The following LUZP2 variants were observed in gnomAD, a reference collection of about 807,000 sequenced individuals.
The protein encoded by LUZP2 is leucine zipper protein 2.
LUZP2 carries 52 observed loss-of-function variants against 51.6 expected under a neutral mutation model. That is an observed-to-expected ratio of 1.01 (90% CI 0.81 to 1.27). The LOEUF is 1.27. Among genes scored for constraint, LUZP2 ranks in the 50% most tolerant of loss-of-function variants. The pLI is 0.00. For missense variants in LUZP2, 436 were observed against 395.4 expected, an observed-to-expected ratio of 1.10 and a Z score of -0.87; for synonymous variants, 154 against 137.3, an observed-to-expected ratio of 1.12 and a Z score of -0.85.
intron 1 of LUZP2, among the ~76,000 whole-genome samples, chr11:24,647,100 C>G (rs1185477367): frequency 6.6e-6 from 1 of 151,896 alleles, no homozygotes; most frequent in South Asian, 2.1e-4. Flanking sequence ...TCCACTCTTT[C>G]CACGCACTCA....
At chr11:24,931,786 G>C (rs1854463690) in intron 7 of LUZP2, among the ~76,000 whole-genome samples, 1 of 152,154 alleles carries the variant, frequency 6.6e-6, no homozygotes, top group Non-Finnish European at 1.5e-5. Context: ...AACTAGTGTG[G>C]TCTTTTGAGG....
At chr11:24,953,671 AAC>A (rs2133866937) in intron 7 of LUZP2, among the ~76,000 whole-genome samples, 1 of 152,128 alleles carries the variant, frequency 6.6e-6, no homozygotes, top group East Asian at 1.9e-4. Flanking sequence ...AAAATACAGA[AAC>A]AAAAAAAGTG....
intron 5 of LUZP2, among the ~76,000 whole-genome samples, chr11:24,901,701 C>T (rs943046159): frequency 6.6e-6 from 1 of 152,112 alleles, no homozygotes; most frequent in Non-Finnish European, 1.5e-5. Context: ...GATCAAGTGG[C>T]TTTCAGAAAG....
At chr11:24,805,748 A>G (rs543765839) in intron 5 of LUZP2, among the ~76,000 whole-genome samples, 1 of 152,308 alleles carries the variant, frequency 6.6e-6, no homozygotes, top group South Asian at 2.1e-4. Flanking sequence ...CCCCTGAGAC[A>G]AAAATTCAAA....
intron 5 of LUZP2, among the ~76,000 whole-genome samples, chr11:24,874,338 C>T (rs1025934948): frequency 6.6e-6 from 1 of 152,128 alleles, no homozygotes; most frequent in African/African-American, 2.4e-5. Flanking sequence ...AAAGAACACT[C>T]AGGGGGCTGT....
At chr11:24,621,422 C>T (rs181003001) in intron 1 of LUZP2, among the ~76,000 whole-genome samples, 2 of 152,084 alleles carry the variant, frequency 1.3e-5, no homozygotes, top group Admixed American at 1.3e-4. Context: ...TTTATGAAGT[C>T]AGTGAATTTT....
intron 5 of LUZP2, among the ~76,000 whole-genome samples, chr11:24,889,464 A>G (rs1852777818): frequency 1.3e-5 from 2 of 152,186 alleles, no homozygotes; most frequent in African/African-American, 2.4e-5. Context: ...GATCTGTTTC[A>G]ATGCCTAAGT....
At chr11:24,948,816 CTATCTATCATCTATCTATCT>C (rs1219068219) in intron 7 of LUZP2, among the ~76,000 whole-genome samples, 5 of 64,880 alleles carry the variant, frequency 7.7e-5, no homozygotes, top group Admixed American at 1.9e-4. Flanking sequence ...ATCTATCTAT[CTATCTATCATCTATCTATCT>C]ATCTATCTAT....
intron 1 of LUZP2, among the ~76,000 whole-genome samples, chr11:24,537,364 T>A (rs1244130538): frequency 6.6e-6 from 1 of 151,908 alleles, no homozygotes; most frequent in African/African-American, 2.4e-5. Flanking sequence ...CTGATAACTT[T>A]GTACTGAGCT....
chr11:24,963,637 G>A (rs2133884561), intron 7 of LUZP2, among the ~76,000 whole-genome samples: 1 of 152,264 alleles, frequency 6.6e-6, no homozygotes, highest in Non-Finnish European at 1.5e-5. Flanking sequence ...TATTCGGGTG[G>A]GAGTGACCCG....
chr11:24,760,080 T>C (rs540871596), intron 4 of LUZP2, among the ~76,000 whole-genome samples: 146 of 152,230 alleles, frequency 9.6e-4, no homozygotes, highest in Admixed American at 4.6e-3. Flanking sequence ...AGCTTCCAGG[T>C]CATAGTTGAT....
At chr11:24,830,449 A>G (rs895910261) in intron 5 of LUZP2, among the ~76,000 whole-genome samples, 1 of 140,948 alleles carries the variant, frequency 7.1e-6, no homozygotes, top group Non-Finnish European at 1.6e-5. Flanking sequence ...CCAAAAGCCA[A>G]GTAGGCCTCA....
chr11:24,963,591 G>T (rs1394489885), intron 7 of LUZP2, among the ~76,000 whole-genome samples: 1 of 127,634 alleles, frequency 7.8e-6, no homozygotes, highest in African/African-American at 2.5e-5. Context: ...ATAATCTCCT[G>T]GTGCGCCGTT....
At chr11:24,609,285 CAGTGGTGT>C (rs1424310244) in intron 1 of LUZP2, among the ~76,000 whole-genome samples, 2 of 152,140 alleles carry the variant, frequency 1.3e-5, no homozygotes, top group East Asian at 3.9e-4. Context: ...AGCTCTGTAG[CAGTGGTGT>C]AGTGTGTTTG....
At chr11:25,062,444 T>G (rs1178257312) in intron 10 of LUZP2, among the ~76,000 whole-genome samples, 1 of 145,896 alleles carries the variant, frequency 6.9e-6, no homozygotes, top group Admixed American at 6.8e-5. Context: ...AATATATATA[T>G]CTGCATGTGG....
intron 7 of LUZP2, among the ~76,000 whole-genome samples, chr11:24,972,980 T>C (rs1349505749): frequency 6.6e-6 from 1 of 151,776 alleles, no homozygotes; most frequent in East Asian, 1.9e-4. Flanking sequence ...CAACTGTTTG[T>C]GATAGTTTTA....
At chr11:24,987,032 T>A (rs1856207614) in intron 9 of LUZP2, among the ~76,000 whole-genome samples, 1 of 151,858 alleles carries the variant, frequency 6.6e-6, no homozygotes, top group African/African-American at 2.4e-5. Context: ...TCATCTTTCG[T>A]GTCTATTAAA....
chr11:25,040,895 C>T (rs986587681), intron 9 of LUZP2, among the ~76,000 whole-genome samples: 1 of 152,126 alleles, frequency 6.6e-6, no homozygotes, highest in Non-Finnish European at 1.5e-5. Context: ...GGAGAGTCCA[C>T]TGCATGTGTG....
At chr11:24,742,363 A>G (rs1234789893) in intron 4 of LUZP2, among the ~76,000 whole-genome samples, 1 of 151,924 alleles carries the variant, frequency 6.6e-6, no homozygotes, top group East Asian at 1.9e-4. Context: ...GCCAACATCT[A>G]CAGTTTATCG....
Sources: gnomAD v4.1 joint callset for allele counts (sites outside exome capture counted in the v4.1 genomes callset) on GRCh38, gnomAD v4.1.1 for gene constraint, MANE v1.5 for transcripts, NCBI Gene and HGNC (gene_info 2026-07-23, HGNC 2026-07-21) for gene names.